EDEM1: variants seen among roughly 807,000 people sequenced by gnomAD.
EDEM1 encodes ER degradation enhancing alpha-mannosidase like protein 1.
A neutral mutation model predicts 74.4 loss-of-function variants in EDEM1; 67 were observed. The observed-to-expected ratio is 0.90, with a 90% CI of 0.74 to 1.10. The LOEUF is 1.10. EDEM1 is among the 50% of genes least tolerant of loss of function. The pLI, the probability that EDEM1 is intolerant of heterozygous loss-of-function variation, is 0.00. For synonymous variants in EDEM1, 382 were observed against 335.9 expected (o/e 1.14, Z -1.50); for missense variants, 926 against 851.6 (o/e 1.09, Z -1.09).
Position 5,188,309 on chromosome 3 carries a change from G to T in EDEM1, c.504G>T (p.Gly168=). Residue 168 remains glycine, a synonymous_variant, in exon 1 of 12, where the codon GGG becomes GGT. Coordinates refer to ENST00000256497, the MANE Select transcript of EDEM1 (RefSeq NM_014674.3). The part of the protein sequence containing the change: ...IHCRGRGPDR[G]DPSNLNINDV... Reference sequence around the variant, plus strand: ...GCCGCGGCCGTGGGCCCGACCGCGGGGACCCGTGAGTAGCCCCCGCCGCCC... The same window carrying T: ...GCCGCGGCCGTGGGCCCGACCGCGGTGACCCGTGAGTAGCCCCCGCCGCCC... 2 of 1,511,928 alleles carry T rather than the reference G, an allele frequency of 1.3e-6. No homozygotes were observed. Among genetic ancestry groups the T allele is most frequent in the Non-Finnish European group, 1.8e-6 (2 of 1,127,006 alleles). 93.7% of individuals were successfully genotyped at this position (1,511,928 alleles called of 1,614,324 possible).
chr3:5,205,125 C>T lies in EDEM1; in HGVS notation c.1101C>T (p.Ala367=), dbSNP rs773376756. Residue 367 remains alanine (A), a synonymous_variant, in exon 6 of 12, where the codon GCC becomes GCT. Transcript: ENST00000256497. ...HWVGKQSGLG[A]GLDSFYEYLL... ...TTGGAAAGCAGAGTGGCCTGGGTGCCGGGCTGGACTCCTTCTATGAATACC... is the reference window on the plus strand; with the variant it reads ...TTGGAAAGCAGAGTGGCCTGGGTGCTGGGCTGGACTCCTTCTATGAATACC... The T allele has an allele frequency of 4.2e-5, 67 of 1,614,088 alleles. No homozygotes were observed. Among genetic ancestry groups the T allele is most frequent in the Non-Finnish European group, 5.0e-5 (59 of 1,180,032 alleles).
intron 1 of EDEM1, 45 bp from the exon 2 acceptor site, chr3:5,195,164 T>G: frequency 8.3e-7 from 1 of 1,211,402 alleles, no homozygotes; most frequent in South Asian, 1.6e-5. Context: ...TTGTCTTCTC[T>G]TTTGAAATAA....
chr3:5,187,767 C>A lies in EDEM1; in HGVS notation c.-39C>A. The A allele has an allele frequency of 2.7e-6, 4 of 1,507,146 alleles. No homozygotes were observed. Among genetic ancestry groups the A allele is most frequent in the Non-Finnish European group, 3.5e-6 (4 of 1,128,206 alleles). 93.4% of individuals were successfully genotyped at this position (1,507,146 alleles called of 1,614,324 possible). On this transcript the variant is annotated 5_prime_UTR_variant, in exon 1 of 12. Coordinates refer to ENST00000256497, the MANE Select transcript of EDEM1 (RefSeq NM_014674.3). ...GGGTGCGGTGGTCGGCGGGGAGGCC[C>A]CCGCGCTTTAAAATAATGCCCGCGG...
rs1449947105 is a variant in EDEM1 at position 5,219,063 on chromosome 3, T to C, written c.*3145T>C. The C allele has an allele frequency of 6.6e-6, 1 of 152,152 alleles. No individual in the cohort carries two copies. Among genetic ancestry groups the C allele is most frequent in the Non-Finnish European group, 1.5e-5 (1 of 68,022 alleles). The allele number at this position is 152,152 out of a possible 1,614,324, so 9.4% of individuals were successfully genotyped here. ...TGGTTTGGTCAGTGCAGTTGTGCAA[T>C]CTGAGGGCCTTGTTTCCTCCTCCCC... On this transcript the variant is annotated 3_prime_UTR_variant, in exon 12 of 12. Coordinates refer to ENST00000256497, the MANE Select transcript of EDEM1 (RefSeq NM_014674.3).
intron 11 of EDEM1, among the ~76,000 whole-genome samples, chr3:5,214,555 C>T (rs114715012): frequency 0.011 from 1,694 of 152,236 alleles, 34 homozygotes; most frequent in African/African-American, 0.039. Context: ...TTAATAACAG[C>T]CAGCATTTGC....
In EDEM1 at chr3:5,195,599, T is replaced by C. The variant is rs183125607; in HGVS notation, c.582+318T>C. ...TGAAGCTCATTAATATTGATAATTATAGTCGTTGCTATTCCAGGAGTAAAA... is the reference window on the plus strand; with the variant it reads ...TGAAGCTCATTAATATTGATAATTACAGTCGTTGCTATTCCAGGAGTAAAA... On this transcript the variant is annotated intron_variant, in intron 2 of 11. Transcript: ENST00000256497. 1.4e-3 allele frequency among the ~76,000 whole-genome samples: 211 copies of C among 152,378 alleles called. 1 individual carries two copies. The highest frequency in any genetic ancestry group is 4.9e-3 in the African/African-American group (204 of 41,594).
intron 10 of EDEM1, among the ~76,000 whole-genome samples, chr3:5,211,649 A>AGTGTGT (rs1271824682): frequency 1.6e-5 from 2 of 127,382 alleles, no homozygotes; most frequent in African/African-American, 5.9e-5. Context: ...CACATGAGTG[A>AGTGTGT]GTGAGTGTGT....
chr3:5,210,234 GT>G lies in EDEM1; in HGVS notation c.1570del (p.Tyr524ThrfsTer97). 6.2e-7 allele frequency: 1 copy of G among 1,614,144 alleles called. No homozygotes were observed. Among genetic ancestry groups the G allele is most frequent in the Non-Finnish European group, 8.5e-7 (1 of 1,179,984 alleles). On this transcript the variant is annotated frameshift_variant, in exon 9 of 12. Transcript: ENST00000256497. LOFTEE classifies it high-confidence loss of function. ...GMDILQSLEK[Y>X]TKVKCGYATL... ...TGGATATTCTGCAGAGTCTGGAAAA[GT>G]ACACAAAAGTCAAGTCAGTTTTCTA...
Position 5,208,140 on chromosome 3 carries a change from C to T in EDEM1, c.1386C>T (p.Tyr462=), listed in dbSNP as rs1274499142. 6.2e-7 allele frequency: 1 copy of T among 1,611,460 alleles called. No individual in the cohort carries two copies. ...VEDAICLHAF[Y]YAIWKRYGAL... ...ATGCCATCTGCCTTCATGCCTTCTA[C>T]TATGCCATATGGAAACGATATGGTG... Residue 462 remains tyrosine, a synonymous_variant, in exon 8 of 12, where the codon TAC becomes TAT. Coordinates refer to ENST00000256497, the MANE Select transcript of EDEM1 (RefSeq NM_014674.3).
chr3:5,199,209 A>G (rs1041762519), intron 2 of EDEM1, among the ~76,000 whole-genome samples: 4 of 152,218 alleles, frequency 2.6e-5, no homozygotes, highest in Admixed American at 2.6e-4. Context: ...AGAGAAAGAC[A>G]TATTTTTGTT....
chr3:5,200,757 TTCC>T (rs1194839872), intron 3 of EDEM1, among the ~76,000 whole-genome samples: 4 of 152,206 alleles, frequency 2.6e-5, no homozygotes, highest in Non-Finnish European at 5.9e-5. Context: ...AGGTCATTTT[TTCC>T]TCCTCCTCTT....
At chr3:5,214,023 A>G (rs2055200459) in intron 11 of EDEM1, among the ~76,000 whole-genome samples, 1 of 152,198 alleles carries the variant, frequency 6.6e-6, no homozygotes, top group Non-Finnish European at 1.5e-5. Flanking sequence ...AGCAGAAGGG[A>G]AAAAAAGCAG....
At chr3:5,202,904 G>A (rs1428606925) in intron 4 of EDEM1, 62 bp from the exon 5 acceptor site, 10 of 1,518,626 alleles carry the variant, frequency 6.6e-6, no homozygotes, top group African/African-American at 2.8e-5. Flanking sequence ...TCTGAGACCC[G>A]GCTTTTCAGC....
intron 5 of EDEM1, among the ~76,000 whole-genome samples, chr3:5,203,370 C>G (rs555477833): frequency 6.6e-6 from 1 of 152,196 alleles, no homozygotes; most frequent in Non-Finnish European, 1.5e-5. Context: ...CCTTCTGATT[C>G]GGATCCCCTG....
chr3:5,190,002 G>T (rs201736756), intron 1 of EDEM1, among the ~76,000 whole-genome samples: 1 of 150,830 alleles, frequency 6.6e-6, no homozygotes, highest in Non-Finnish European at 1.5e-5. Context: ...TTTTTTTTGG[G>T]GGGGGGGATA....
chr3:5,210,477 C>A (rs771300009), intron 9 of EDEM1, among the ~76,000 whole-genome samples: 4 of 152,180 alleles, frequency 2.6e-5, no homozygotes, highest in Non-Finnish European at 5.9e-5. Flanking sequence ...ATTCTAACTT[C>A]TTTCCCCTAG....
chr3:5,215,682 C>T (rs2106613795), intron 11 of EDEM1, 147 bp from the exon 12 acceptor site: 2 of 728,908 alleles, frequency 2.7e-6, no homozygotes, highest in East Asian at 5.5e-5. Flanking sequence ...TGCTGACCGT[C>T]CTGCAGTGTA....
chr3:5,208,739 GTGTT>G (rs1040299964), intron 8 of EDEM1, among the ~76,000 whole-genome samples: 1 of 150,250 alleles, frequency 6.7e-6, no homozygotes, highest in Non-Finnish European at 1.5e-5. Flanking sequence ...TTTAATGTTT[GTGTT>G]TGTGTGTGTG....
intron 10 of EDEM1, among the ~76,000 whole-genome samples, chr3:5,211,649 AGTGAGT>A (rs1454847500): frequency 2.4e-3 from 301 of 127,366 alleles, no homozygotes; most frequent in African/African-American, 8.6e-3. Context: ...CACATGAGTG[AGTGAGT>A]GTGTGTGTGT....
Sources: allele counts gnomAD v4.1 joint callset (sites outside exome capture counted in the v4.1 genomes callset), GRCh38; gene constraint gnomAD v4.1.1; transcripts MANE v1.5; gene names NCBI Gene and HGNC (gene_info 2026-07-23, HGNC 2026-07-21).